The following TMCO1 variants were observed in gnomAD, a reference collection of about 807,000 sequenced individuals.
TMCO1 encodes calcium load-activated calcium channel.
A neutral mutation model predicts 29.3 loss-of-function variants in TMCO1; 29 were observed. The ratio of observed to expected loss-of-function variants is 0.99; its 90% confidence interval spans 0.74 to 1.35. The LOEUF (loss-of-function observed/expected upper bound fraction) is 1.35. Ranked by LOEUF, TMCO1 falls within the 40% of genes most tolerant of loss-of-function variation. The pLI, the probability that TMCO1 is intolerant of heterozygous loss-of-function variation, is 0.00. For missense variants in TMCO1, 173 were observed against 225.5 expected (o/e 0.77, Z 1.49); for synonymous variants, 80 against 77.1 (o/e 1.04, Z -0.20).
At chr1:165,753,210 C>T (rs991744696) in intron 4 of TMCO1, among the ~76,000 whole-genome samples, 2 of 152,008 alleles carry the variant, frequency 1.3e-5, no homozygotes, top group African/African-American at 2.4e-5. Flanking sequence ...CGGTAGCTCA[C>T]ACCTGTAATC....
chr1:165,736,730 A>AAC (rs1553249180), intron 6 of TMCO1, among the ~76,000 whole-genome samples: 40 of 150,646 alleles, frequency 2.7e-4, no homozygotes, highest in East Asian at 1.4e-3. Flanking sequence ...CAAAAAAAAA[A>AAC]AAAACAAAAA....
intron 5 of TMCO1, among the ~76,000 whole-genome samples, chr1:165,744,318 T>C (rs1438832806): frequency 6.6e-6 from 1 of 152,152 alleles, no homozygotes; most frequent in Non-Finnish European, 1.5e-5. Context: ...GGGAGGCATA[T>C]TTTGGCCCAG....
At chr1:165,733,964 C>A (rs1651273438) in intron 6 of TMCO1, among the ~76,000 whole-genome samples, 1 of 152,188 alleles carries the variant, frequency 6.6e-6, no homozygotes. Context: ...TGGGAAGACC[C>A]AGGTCAATGG....
intron 6 of TMCO1, among the ~76,000 whole-genome samples, chr1:165,732,425 C>T (rs935229488): frequency 1.5e-5 from 2 of 134,698 alleles, no homozygotes; most frequent in African/African-American, 5.5e-5. Context: ...AATCGTGTAA[C>T]AGGCCTATTT....
At chr1:165,729,794 C>T (rs897537547) in intron 6 of TMCO1, among the ~76,000 whole-genome samples, 1 of 152,052 alleles carries the variant, frequency 6.6e-6, no homozygotes, top group African/African-American at 2.4e-5. Context: ...GTGTTTCGAC[C>T]CTTAATCTAA....
At chr1:165,741,532 T>C (rs1008572944) in intron 6 of TMCO1, among the ~76,000 whole-genome samples, 2 of 152,168 alleles carry the variant, frequency 1.3e-5, no homozygotes, top group Non-Finnish European at 2.9e-5. Flanking sequence ...GAGTGTAACA[T>C]GAAAACTATT....
intron 6 of TMCO1, 87 bp downstream of exon 6, chr1:165,743,080 A>AACATTTC (rs1166718214): frequency 6.6e-7 from 1 of 1,507,168 alleles, no homozygotes; most frequent in African/African-American, 1.4e-5. Context: ...ACAATGGGTA[A>AACATTTC]ACATTTCTAG....
At chr1:165,754,599 T>C (rs1049056329) in intron 3 of TMCO1, among the ~76,000 whole-genome samples, 3 of 152,236 alleles carry the variant, frequency 2.0e-5, no homozygotes, top group African/African-American at 7.2e-5. Flanking sequence ...AAGTATAACA[T>C]AATGATTGTA....
intron 2 of TMCO1, among the ~76,000 whole-genome samples, chr1:165,761,559 G>A (rs1315573167): frequency 6.6e-6 from 1 of 151,682 alleles, no homozygotes; most frequent in Non-Finnish European, 1.5e-5. Context: ...AAAACATCAT[G>A]TACATGGAAA....
Position 165,727,371 on chromosome 1 carries a change from C to T in TMCO1, c.*652G>A, listed in dbSNP as rs187994736. On this transcript the variant is annotated 3_prime_UTR_variant, in exon 7 of 7. Coordinates refer to ENST00000367881, the MANE Select transcript of TMCO1 (RefSeq NM_019026.6). The stretch of plus-strand genomic sequence containing the variant: ...TCCAACGAGTTATTACGTTCCTTTC[C>T]ACTCTTGCTTTCCAATTCCTACACC... 2 of 453,772 alleles carry T rather than the reference C, an allele frequency of 4.4e-6. No homozygotes were observed. The highest frequency in any genetic ancestry group is 2.4e-5 in the Admixed American group (1 of 42,536). The allele number at this position is 453,772 out of a possible 1,614,324, so 28.1% of individuals were successfully genotyped here. A position where few individuals can be genotyped will look rare whatever the true frequency, so the allele number is the denominator to read the frequency against.
At chr1:165,748,030 G>C (rs564944028) in intron 5 of TMCO1, among the ~76,000 whole-genome samples, 4 of 152,052 alleles carry the variant, frequency 2.6e-5, no homozygotes, top group African/African-American at 9.6e-5. Context: ...GTGGGGGCGA[G>C]TCCCTGTAAT....
chr1:165,760,634 T>A (rs1000281584), intron 2 of TMCO1, among the ~76,000 whole-genome samples: 2 of 151,898 alleles, frequency 1.3e-5, no homozygotes, highest in East Asian at 3.9e-4. Flanking sequence ...AAAACCCATC[T>A]CTACTAAAAA....
In TMCO1 at chr1:165,737,109, G is replaced by C. The variant is rs139871598; in HGVS notation, c.468+6058C>G. ...CATGAGCCACCACACCAGCCCAGCA[G>C]ACAAGGTTTTTAAAGCAGCTAAATA... On this transcript the variant is annotated intron_variant, in intron 6 of 6. Coordinates refer to ENST00000367881, the MANE Select transcript of TMCO1 (RefSeq NM_019026.6). 1.9e-4 allele frequency among the ~76,000 whole-genome samples: 29 copies of C among 152,278 alleles called. 1 individual carries two copies. The highest frequency in any genetic ancestry group is 5.5e-4 in the African/African-American group (23 of 41,556).
intron 6 of TMCO1, among the ~76,000 whole-genome samples, chr1:165,733,908 AC>A (rs1288683094): frequency 2.0e-5 from 3 of 152,268 alleles, no homozygotes; most frequent in African/African-American, 7.2e-5. Context: ...ATGATTAAGA[AC>A]CAGTGATCAA....
At chr1:165,753,808 C>T (rs185812527) in intron 4 of TMCO1, among the ~76,000 whole-genome samples, 59 of 151,796 alleles carry the variant, frequency 3.9e-4, no homozygotes, top group African/African-American at 1.4e-3. Flanking sequence ...AAGATCCTGT[C>T]TCTAAAAAAG....
chr1:165,756,171 G>A (rs1271879577), intron 3 of TMCO1, among the ~76,000 whole-genome samples: 1 of 152,074 alleles, frequency 6.6e-6, no homozygotes, highest in Non-Finnish European at 1.5e-5. Flanking sequence ...CAATATTGAT[G>A]TAGGTAATCT....
chr1:165,724,984 C>G (rs957939575), downstream of TMCO1: 5 of 378,618 alleles, frequency 1.3e-5, no homozygotes, highest in Non-Finnish European at 2.5e-5. Flanking sequence ...TTTATTCTCT[C>G]TTTCTCTCTC....
In TMCO1 at chr1:165,743,263, G is replaced by T. The variant is rs1553249737; in HGVS notation, c.372C>A (p.Tyr124Ter). The change falls in exon 6 of 7, where the codon TAC becomes TAA. Residue 124 changes from tyrosine to a stop codon, truncating the protein, a stop_gained. Coordinates refer to ENST00000367881, the MANE Select transcript of TMCO1 (RefSeq NM_019026.6). LOFTEE classifies it high-confidence loss of function. The part of the protein sequence containing the change: ...VAKLPFTPLS[Y>*]IQGLSHRNLL... The stretch of plus-strand genomic sequence containing the variant: ...GATTTCGATGAGACAGTCCTTGGAT[G>T]TAAGAAAGAGGGGTAAAAGGAAGCT... 11 of 1,611,618 alleles carry T rather than the reference G, an allele frequency of 6.8e-6. No homozygotes were observed. Among genetic ancestry groups the T allele is most frequent in the Admixed American group, 1.7e-5 (1 of 59,872 alleles).
At chr1:165,732,162 A>T (rs1041855026) in intron 6 of TMCO1, among the ~76,000 whole-genome samples, 11 of 152,048 alleles carry the variant, frequency 7.2e-5, no homozygotes, top group Non-Finnish European at 1.5e-4. Context: ...TAATATCTCT[A>T]CAGTAGTAAC....
Sources: allele counts gnomAD v4.1 joint callset (sites outside exome capture counted in the v4.1 genomes callset), GRCh38; gene constraint gnomAD v4.1.1; transcripts MANE v1.5; gene names NCBI Gene and HGNC (gene_info 2026-07-23, HGNC 2026-07-21).